Variants in STAU2 observed in about 807,000 individuals in gnomAD.
STAU2 encodes staufen double-stranded RNA binding protein 2, also known as double-stranded RNA-binding protein Staufen homolog 2.
A neutral mutation model predicts 65.9 loss-of-function variants in STAU2; 20 were observed. That is an observed-to-expected ratio of 0.30 (90% CI 0.21 to 0.44). STAU2 has a LOEUF of 0.44. Ranked by LOEUF, STAU2 falls within the 20% of genes least tolerant of loss-of-function variation. The pLI is 1.00. For missense variants in STAU2, 558 were observed against 683.9 expected, an observed-to-expected ratio of 0.82 and a Z score of 2.05; for synonymous variants, 232 against 233.9, an observed-to-expected ratio of 0.99 and a Z score of 0.07.
At chr8:73,703,050 G>A (rs528882602) in intron 4 of STAU2, among the ~76,000 whole-genome samples, 1 of 152,152 alleles carries the variant, frequency 6.6e-6, no homozygotes, top group Non-Finnish European at 1.5e-5. Flanking sequence ...CAAAGAAATA[G>A]AGAAAATAAA....
chr8:73,639,988 C>T lies in STAU2; in HGVS notation c.411-22537G>A, dbSNP rs554720485. Among the ~76,000 whole-genome samples, 3 of 152,114 alleles carry T rather than the reference C, an allele frequency of 2.0e-5. No individual in the cohort carries two copies. In the South Asian group the frequency reaches 6.2e-4, roughly 32 times the overall value. On this transcript the variant is annotated intron_variant, in intron 6 of 14. Transcript: ENST00000524300. ...TAGGAACAAACTAAATTATGACTTC[C>T]TCGGGCCAACTAAATCCAGTAAGAA...
chr8:73,632,091 A>C (rs1814136711), intron 6 of STAU2, among the ~76,000 whole-genome samples: 1 of 152,130 alleles, frequency 6.6e-6, no homozygotes, highest in Admixed American at 6.5e-5. Context: ...GGCAAAAAAT[A>C]CTTGCTGACA....
intron 13 of STAU2, chr8:73,550,073 G>T (rs1807220214): frequency 1.0e-6 from 1 of 985,376 alleles, no homozygotes; most frequent in Non-Finnish European, 1.2e-6. Flanking sequence ...TCTGCTCACT[G>T]CTTAGCTGCA....
chr8:73,501,196 G>A (rs1821732067), intron 13 of STAU2, among the ~76,000 whole-genome samples: 2 of 151,548 alleles, frequency 1.3e-5, no homozygotes, highest in South Asian at 2.1e-4. Flanking sequence ...AAAAAAAACT[G>A]CAGAAACCCT....
At chr8:73,647,472 A>C (rs555261563) in intron 6 of STAU2, among the ~76,000 whole-genome samples, 1 of 152,354 alleles carries the variant, frequency 6.6e-6, no homozygotes, top group East Asian at 1.9e-4. Flanking sequence ...GATGGAGAAC[A>C]CATTCATGGT....
chr8:73,723,535 T>C (rs1184579748), intron 3 of STAU2, among the ~76,000 whole-genome samples: 1 of 152,244 alleles, frequency 6.6e-6, no homozygotes, highest in Non-Finnish European at 1.5e-5. Context: ...GCTGCTTGAG[T>C]GTGTCCCACA....
intron 3 of STAU2, among the ~76,000 whole-genome samples, chr8:73,717,053 G>A (rs1295938830): frequency 6.6e-6 from 1 of 152,114 alleles, no homozygotes; most frequent in African/African-American, 2.4e-5. Context: ...AGTGAGCCAA[G>A]AAGGTACCAC....
At chr8:73,589,556 T>C (rs991246408) in intron 11 of STAU2, among the ~76,000 whole-genome samples, 1 of 152,124 alleles carries the variant, frequency 6.6e-6, no homozygotes, top group Non-Finnish European at 1.5e-5. Flanking sequence ...AAGGAAATCC[T>C]AAACGAAAAA....
intron 6 of STAU2, among the ~76,000 whole-genome samples, chr8:73,621,326 T>A (rs1813215418): frequency 6.6e-6 from 1 of 152,180 alleles, no homozygotes; most frequent in South Asian, 2.1e-4. Flanking sequence ...CCTGCTGTCC[T>A]GTGAAGAGGT....
intron 5 of STAU2, among the ~76,000 whole-genome samples, chr8:73,675,809 G>C (rs1007912061): frequency 6.6e-6 from 1 of 152,214 alleles, no homozygotes; most frequent in Non-Finnish European, 1.5e-5. Context: ...GAGCTGTAAA[G>C]GTTTGGGATG....
At chr8:73,646,977 A>G (rs926936144) in intron 6 of STAU2, among the ~76,000 whole-genome samples, 2 of 150,146 alleles carry the variant, frequency 1.3e-5, no homozygotes, top group South Asian at 4.2e-4. Context: ...ACACACACGA[A>G]AAGATGTTCA....
chr8:73,728,810 T>C (rs59967114), intron 3 of STAU2, among the ~76,000 whole-genome samples: 28,969 of 152,128 alleles, frequency 0.19, 3,003 homozygotes, highest in East Asian at 0.37. Context: ...TTAGCTTTAG[T>C]GGAGGTTTTT....
chr8:73,708,355 T>C (rs1411612914), intron 4 of STAU2, among the ~76,000 whole-genome samples: 1 of 152,138 alleles, frequency 6.6e-6, no homozygotes, highest in Non-Finnish European at 1.5e-5. Flanking sequence ...AAATGTGCCA[T>C]AGAAAATTAT....
chr8:73,590,162 G>T (rs1810666400), intron 11 of STAU2, among the ~76,000 whole-genome samples: 2 of 150,070 alleles, frequency 1.3e-5, no homozygotes, highest in African/African-American at 4.9e-5. Context: ...AGGATAAGAA[G>T]GAGAAGAAGA....
At chr8:73,616,170 A>G (rs1258395575) in intron 7 of STAU2, among the ~76,000 whole-genome samples, 1 of 152,186 alleles carries the variant, frequency 6.6e-6, no homozygotes, top group African/African-American at 2.4e-5. Context: ...TTACAGAAAG[A>G]GTACAGGATG....
intron 6 of STAU2, among the ~76,000 whole-genome samples, chr8:73,671,951 G>C (rs2130402304): frequency 6.6e-6 from 1 of 152,200 alleles, no homozygotes; most frequent in East Asian, 1.9e-4. Context: ...CTTGAACCCG[G>C]GAGGCTGTGG....
At chr8:73,730,386 T>C (rs1006281279) in intron 3 of STAU2, among the ~76,000 whole-genome samples, 8 of 152,330 alleles carry the variant, frequency 5.3e-5, no homozygotes, top group African/African-American at 1.9e-4. Context: ...GAAACTTGTT[T>C]TGTGGCCTAA....
At chr8:73,481,340 T>C (rs6472780) in intron 13 of STAU2, among the ~76,000 whole-genome samples, 115,215 of 151,680 alleles carry the variant, frequency 0.76, 44,169 homozygotes, top group East Asian at 0.95. Flanking sequence ...GATGGAGGGC[T>C]GGGAGAAAAG....
intron 12 of STAU2, among the ~76,000 whole-genome samples, chr8:73,553,908 C>G (rs1423341315): frequency 6.6e-6 from 1 of 151,922 alleles, no homozygotes; most frequent in Non-Finnish European, 1.5e-5. Flanking sequence ...TCACATATCT[C>G]CATTTCATTA....
Sources: allele counts gnomAD v4.1 joint callset (sites outside exome capture counted in the v4.1 genomes callset), GRCh38; gene constraint gnomAD v4.1.1; transcripts MANE v1.5; gene names NCBI Gene and HGNC (gene_info 2026-07-23, HGNC 2026-07-21).